PDE9A: variants seen among roughly 807,000 people sequenced by gnomAD.
PDE9A encodes the protein phosphodiesterase 9A.
PDE9A carries 60 observed loss-of-function variants against 87.4 expected under a neutral mutation model. That is an observed-to-expected ratio of 0.69 (90% CI 0.56 to 0.85). The LOEUF is 0.85. Ranked by LOEUF, PDE9A falls within the 40% of genes least tolerant of loss-of-function variation. The probability of loss-of-function intolerance (pLI) is 0.00; values close to 1 mark genes in which losing one functional copy is unlikely to be tolerated. For missense variants in PDE9A, 665 were observed against 779.0 expected (o/e 0.85, Z 1.74); for synonymous variants, 272 against 279.4 (o/e 0.97, Z 0.27).
chr21:42,766,970 C>A (rs185826039), intron 15 of PDE9A, among the ~76,000 whole-genome samples: 175 of 152,248 alleles, frequency 1.1e-3, no homozygotes, highest in Non-Finnish European at 2.1e-3. Flanking sequence ...TCCCACCCCA[C>A]CCCCAGCCTT....
rs2060120002 is a variant in PDE9A at position 42,695,977 on chromosome 21, A to G, written c.219-2991A>G. 6.6e-6 allele frequency among the ~76,000 whole-genome samples: 1 copy of G among 152,240 alleles called. No homozygotes were observed. The highest frequency in any genetic ancestry group is 1.5e-5 in the Non-Finnish European group (1 of 68,034). On this transcript the variant is annotated intron_variant, in intron 3 of 19. Coordinates refer to ENST00000291539, the MANE Select transcript of PDE9A (RefSeq NM_002606.3). This position sits in a 1 kb window ranked among gnomAD's most constrained non-coding sequence, Gnocchi z 4.3. Reference sequence around the variant, plus strand: ...AGGATCTTGGGCCCAAGGGCCAGGAAGGTTTCTGCAGCCTCCTGGAGCATT... The same window carrying G: ...AGGATCTTGGGCCCAAGGGCCAGGAGGGTTTCTGCAGCCTCCTGGAGCATT...
chr21:42,720,776 T>G (rs1239189509), intron 4 of PDE9A, among the ~76,000 whole-genome samples: 1 of 151,220 alleles, frequency 6.6e-6, no homozygotes, highest in African/African-American at 2.4e-5. Flanking sequence ...GAGGCCGAGG[T>G]GGGCGGATCA....
rs1220987880 is a variant in PDE9A at position 42,770,218 on chromosome 21, CCTCAAGGCACCCCCAG to C, written c.1591-483_1591-468del. ...CTGTGGCCCCCTGCCAAGGCCCCCA[CCTCAAGGCACCCCCAG>C]CATGTCCAAAACAGGCCCATCTCTT... On this transcript the variant is annotated intron_variant, in intron 17 of 19. Coordinates refer to ENST00000291539, the MANE Select transcript of PDE9A (RefSeq NM_002606.3). Among the ~76,000 whole-genome samples, 3 of 152,118 alleles carry C rather than the reference CCTCAAGGCACCCCCAG, an allele frequency of 2.0e-5. No individual in the cohort carries two copies. In the East Asian group the frequency reaches 5.8e-4, roughly 29 times the overall value.
rs754459975 is a variant in PDE9A at position 42,765,375 on chromosome 21, A to G, written c.1243-6A>G. 35 of 1,542,106 alleles carry G rather than the reference A, an allele frequency of 2.3e-5. No homozygotes were observed. Among genetic ancestry groups the G allele is most frequent in the Non-Finnish European group, 2.9e-5 (32 of 1,115,224 alleles). On this transcript the variant is annotated splice_polypyrimidine_tract_variant and splice_region_variant and intron_variant, in intron 14 of 19. Transcript: ENST00000291539. ...CGTGTTAACACGTTGTTCTCTCGCT[A>G]TTTAGGGAATGATCACATTAATCTT...
At chr21:42,699,790 C>T (rs2048241369) in intron 4 of PDE9A, among the ~76,000 whole-genome samples, 1 of 152,096 alleles carries the variant, frequency 6.6e-6, no homozygotes, top group Admixed American at 6.5e-5. Flanking sequence ...AACTCCTGAC[C>T]TCAGGTGATC....
At chr21:42,724,246 G>A (rs557910133) in intron 4 of PDE9A, among the ~76,000 whole-genome samples, 1 of 152,208 alleles carries the variant, frequency 6.6e-6, no homozygotes, top group African/African-American at 2.4e-5. Flanking sequence ...GGGGAGGTCA[G>A]AGGAAAACTG....
At chr21:42,706,292 T>C (rs2048828483) in intron 4 of PDE9A, among the ~76,000 whole-genome samples, 1 of 152,236 alleles carries the variant, frequency 6.6e-6, no homozygotes, top group South Asian at 2.1e-4. Flanking sequence ...ATTTTTATAT[T>C]GATTTCATGT....
intron 1 of PDE9A, among the ~76,000 whole-genome samples, chr21:42,662,938 CCACGCA>C (rs1043848646): frequency 4.1e-5 from 6 of 147,288 alleles, no homozygotes; most frequent in Admixed American, 1.4e-4. Flanking sequence ...CACATGCACA[CCACGCA>C]CACGCACATC....
intron 3 of PDE9A, among the ~76,000 whole-genome samples, chr21:42,691,626 A>G (rs894458427): frequency 2.1e-4 from 32 of 150,938 alleles, no homozygotes; most frequent in Admixed American, 7.3e-4. Flanking sequence ...CCCCATCACC[A>G]TCATCATCCA....
chr21:42,760,724 C>T lies in PDE9A; in HGVS notation c.1003-101C>T, dbSNP rs779321324. ...GGAGATGCCAGATGGCTGCAGGGGCCTTTGTCCCCCGCTTACCACTCACCC... is the reference window on the plus strand; with the variant it reads ...GGAGATGCCAGATGGCTGCAGGGGCTTTTGTCCCCCGCTTACCACTCACCC... On this transcript the variant is annotated intron_variant, in intron 12 of 19. Coordinates refer to ENST00000291539, the MANE Select transcript of PDE9A (RefSeq NM_002606.3). The surrounding 1 kb of genome is among the most constrained non-coding windows in gnomAD (Gnocchi z 5.2). 7.6e-5 allele frequency: 58 copies of T among 758,582 alleles called. No homozygotes were observed. In the Middle Eastern group the frequency reaches 7.9e-4, roughly 10 times the overall value. The allele number at this position is 758,582 out of a possible 1,614,324, so 47.0% of individuals were successfully genotyped here.
chr21:42,754,512 G>T (rs1166796797), intron 10 of PDE9A, among the ~76,000 whole-genome samples: 1 of 152,246 alleles, frequency 6.6e-6, no homozygotes, highest in Non-Finnish European at 1.5e-5. Flanking sequence ...GCAACCGGCT[G>T]CCCCAGATAA....
intron 1 of PDE9A, 144 bp downstream of exon 1, chr21:42,654,027 G>A: frequency 2.7e-6 from 1 of 365,604 alleles, no homozygotes; most frequent in Non-Finnish European, 5.1e-6. Flanking sequence ...GGGGGCGGGG[G>A]TCCCCACGCG....
At chr21:42,769,765 T>C (rs1159022177) in intron 17 of PDE9A, among the ~76,000 whole-genome samples, 1 of 77,516 alleles carries the variant, frequency 1.3e-5, no homozygotes, top group Non-Finnish European at 2.5e-5. Flanking sequence ...GGTATGCACA[T>C]GCACGCACAC....
intron 1 of PDE9A, among the ~76,000 whole-genome samples, chr21:42,667,045 C>G (rs1423669408): frequency 6.6e-6 from 1 of 152,060 alleles, no homozygotes; most frequent in African/African-American, 2.4e-5. Flanking sequence ...TGTTGAGGCG[C>G]CTGGTCCCAA....
intron 14 of PDE9A, among the ~76,000 whole-genome samples, chr21:42,763,629 A>G (rs775031678): frequency 1.3e-5 from 2 of 152,140 alleles, no homozygotes; most frequent in South Asian, 2.1e-4. Flanking sequence ...AGTTTGTGGT[A>G]CTTTGTGTGG....
Position 42,660,408 on chromosome 21 carries a change from T to C in PDE9A, c.69+6525T>C, listed in dbSNP as rs1179222158. ...CGAGTCAGTGCCTGGCTTGTGGAGG[T>C]TGAGACCAAGGCCAGTTGGGTGCTT... On this transcript the variant is annotated intron_variant, in intron 1 of 19. Transcript: ENST00000291539. This position sits in a 1 kb window ranked among gnomAD's most constrained non-coding sequence, Gnocchi z 4.7. 1.3e-5 allele frequency among the ~76,000 whole-genome samples: 2 copies of C among 151,508 alleles called. No homozygotes were observed. Among genetic ancestry groups the C allele is most frequent in the East Asian group, 3.9e-4 (2 of 5,156 alleles).
intron 3 of PDE9A, 131 bp downstream of exon 3, chr21:42,688,125 G>C (rs2059579849): frequency 1.3e-6 from 1 of 758,408 alleles, no homozygotes; most frequent in Non-Finnish European, 2.3e-6. Flanking sequence ...GAGAGCGAGG[G>C]TAGGAGCCAG....
At chr21:42,693,425 A>C (rs1602096457) in intron 3 of PDE9A, among the ~76,000 whole-genome samples, 1 of 150,772 alleles carries the variant, frequency 6.6e-6, no homozygotes, top group Middle Eastern at 3.4e-3. Context: ...CAGCCTCCCG[A>C]GTAGCTGGGA....
chr21:42,745,249 G>T (rs1182089441), intron 8 of PDE9A, among the ~76,000 whole-genome samples: 1 of 152,210 alleles, frequency 6.6e-6, no homozygotes, highest in African/African-American at 2.4e-5. Flanking sequence ...CAGGGAGGAA[G>T]GCCGAGCGGA....
Sources: allele counts gnomAD v4.1 joint callset (sites outside exome capture counted in the v4.1 genomes callset), GRCh38; gene constraint gnomAD v4.1.1; non-coding constraint Gnocchi (gnomAD v3.1); transcripts MANE v1.5; gene names NCBI Gene and HGNC (gene_info 2026-07-23, HGNC 2026-07-21).